The following PRDM2 variants were observed in gnomAD, a reference collection of about 807,000 sequenced individuals.
The protein encoded by PRDM2 is PR/SET domain 2, also known as PR domain zinc finger protein 2.
Under a neutral mutation model 130.0 loss-of-function variants are expected in PRDM2, and 30 were observed. The observed-to-expected ratio is 0.23, with a 90% confidence interval of 0.17 to 0.31. PRDM2 has a LOEUF of 0.31. Among genes scored for constraint, PRDM2 ranks in the 10% least tolerant of loss-of-function variants. The pLI is 1.00. For missense variants in PRDM2, 2,011 were observed against 2,108.4 expected (o/e 0.95, Z 0.90); for synonymous variants, 871 against 782.4 (o/e 1.11, Z -1.89).
At chr1:13,766,376 A>T (rs1045465124) in intron 6 of PRDM2, among the ~76,000 whole-genome samples, 1 of 152,238 alleles carries the variant, frequency 6.6e-6, no homozygotes, top group Non-Finnish European at 1.5e-5. Flanking sequence ...TGAAAGAAAT[A>T]CCAAGTTGTC....
At chr1:13,760,683 A>G (rs147895723) in intron 6 of PRDM2, among the ~76,000 whole-genome samples, 3 of 152,322 alleles carry the variant, frequency 2.0e-5, no homozygotes, top group East Asian at 1.9e-4. Flanking sequence ...TTTTCTGTCT[A>G]TAAAATGGGA....
Position 13,779,223 on chromosome 1 carries a change from T to C in PRDM2, c.1428T>C (p.Asn476=). The part of the protein sequence containing the change: ...DTINSSVVEE[N]GEVKELHPCK... ...TAAATTCTTCTGTCGTAGAAGAGAA[T>C]GGGGAAGTTAAAGAACTTCATCCGT... Residue 476 remains asparagine (N), a synonymous_variant, in exon 8 of 10, where the codon AAT becomes AAC. Transcript: ENST00000311066. The surrounding 1 kb of genome is among the most constrained non-coding windows in gnomAD (Gnocchi z 4.9). 2 of 1,614,198 alleles carry C rather than the reference T, an allele frequency of 1.2e-6. No homozygotes were observed. Among genetic ancestry groups the C allele is most frequent in the Non-Finnish European group, 1.7e-6 (2 of 1,180,038 alleles).
intron 6 of PRDM2, among the ~76,000 whole-genome samples, chr1:13,765,773 G>A (rs1449361086): frequency 6.6e-6 from 1 of 152,068 alleles, no homozygotes; most frequent in Non-Finnish European, 1.5e-5. Context: ...CCTGCACTTG[G>A]CCATTCTTAA....
At position 13,781,430 on chromosome 1, in the gene PRDM2, A is replaced by T. The variant is rs1644610364; in HGVS notation, c.3635A>T (p.Asp1212Val). The change falls in exon 8 of 10, where the codon GAT becomes GTT. Residue 1212 changes from aspartate (D) to valine (V), a missense_variant. Physicochemically the swap from Asp to Val is radical, Grantham distance 152. Coordinates refer to ENST00000311066, the MANE Select transcript of PRDM2 (RefSeq NM_001393986.1). This position sits in a 1 kb window ranked among gnomAD's most constrained non-coding sequence, Gnocchi z 6.1. ...TGCAATTTGCAGCAGCACCAGCGAG[A>T]TCTCCACCCAGATAAGGTGTGCACA... The part of the protein sequence containing the change: ...FLCNLQQHQR[D>V]LHPDKVCTHH... 2 of 1,614,100 alleles carry T rather than the reference A, an allele frequency of 1.2e-6. No homozygotes were observed. Among genetic ancestry groups the T allele is most frequent in the African/African-American group, 1.3e-5 (1 of 75,026 alleles).
In PRDM2 at chr1:13,778,974, G is replaced by C; in HGVS notation, c.1179G>C (p.Lys393Asn). Residue 393 changes from lysine (K) to asparagine (N), a missense_variant, in exon 8 of 10, where the codon AAG (lysine) becomes AAC (asparagine). Lys to Asn is a moderately conservative substitution (Grantham distance 94). Coordinates refer to ENST00000311066, the MANE Select transcript of PRDM2 (RefSeq NM_001393986.1). ...CCGTCAATCATGCTTTCAAATGCAA[G>C]TACTGTGGGAAAGCCTTTGGCACAC... ...ISTVNHAFKC[K>N]YCGKAFGTQI... is the part of the protein sequence containing the mutation. 6.2e-7 allele frequency: 1 copy of C among 1,614,234 alleles called. No individual in the cohort carries two copies. Among genetic ancestry groups the C allele is most frequent in the Non-Finnish European group, 8.5e-7 (1 of 1,180,046 alleles).
intron 2 of PRDM2, among the ~76,000 whole-genome samples, chr1:13,730,195 C>T (rs1177501984): frequency 1.3e-5 from 2 of 152,124 alleles, no homozygotes; most frequent in African/African-American, 4.8e-5. Context: ...TTACTAGACC[C>T]TTGGTGTTCC....
rs1557655306 is a variant in PRDM2, at chr1:13,782,575, G to A, written c.4780G>A (p.Ala1594Thr). The stretch of plus-strand genomic sequence containing the variant: ...TCATGTTGAGGGGAAAAAACCTAAA[G>A]CTGTGGCCAAGAATCATTCTGCTCA... Reference protein sequence around the residue: ...ITHVEGKKPKAVAKNHSAQLS... With the variant: ...ITHVEGKKPKTVAKNHSAQLS... Residue 1594 changes from alanine (A) to threonine (T), a missense_variant, in exon 8 of 10, where the codon GCT becomes ACT. This residue lies in a region of PRDM2 where 410 missense variants were observed against 395.9 expected (regional missense o/e 1.04). Coordinates refer to ENST00000311066, the MANE Select transcript of PRDM2 (RefSeq NM_001393986.1). 6.2e-7 allele frequency: 1 copy of A among 1,614,206 alleles called. No homozygotes were observed. Among genetic ancestry groups the A allele is most frequent in the South Asian group, 1.1e-5 (1 of 91,088 alleles).
At chr1:13,820,125 C>A (rs910896646) in intron 9 of PRDM2, among the ~76,000 whole-genome samples, 4 of 152,168 alleles carry the variant, frequency 2.6e-5, no homozygotes, top group African/African-American at 9.7e-5. Flanking sequence ...TCTTCTGATT[C>A]CCGGGACGGA....
At chr1:13,735,160 G>T (rs1488248853) in intron 4 of PRDM2, among the ~76,000 whole-genome samples, 7 of 152,214 alleles carry the variant, frequency 4.6e-5, no homozygotes, top group Admixed American at 2.0e-4. Context: ...GTGTTAAATT[G>T]CTCTCCTTGA....
chr1:13,739,932 T>A (rs926491295), intron 4 of PRDM2, among the ~76,000 whole-genome samples: 28 of 152,268 alleles, frequency 1.8e-4, no homozygotes, highest in African/African-American at 6.8e-4. Context: ...GCTTTCAAGT[T>A]ATTTTTTATT....
At chr1:13,808,827 C>T (rs1425455550) in intron 8 of PRDM2, among the ~76,000 whole-genome samples, 2 of 152,188 alleles carry the variant, frequency 1.3e-5, no homozygotes, top group South Asian at 2.1e-4. Flanking sequence ...ATCAGACAGT[C>T]GCAGATGCAT....
Position 13,780,989 on chromosome 1 carries a change from C to T in PRDM2, c.3194C>T (p.Ser1065Phe). ...SSSSSSSSSF[S>F]SSSSSSSPSP... ...TCATCTTCCTCCTCCTCTTCGTTTT[C>T]TTCTTCATCTTCCTCCTCTTCTCCT... is the stretch of plus-strand genomic sequence containing the variant. The change falls in exon 8 of 10, where the codon TCT (serine) becomes TTT (phenylalanine). Residue 1065 changes from serine (S) to phenylalanine (F), a missense_variant. Transcript: ENST00000311066. 2 of 1,600,500 alleles carry T rather than the reference C, an allele frequency of 1.2e-6. No homozygotes were observed. Among genetic ancestry groups the T allele is most frequent in the Non-Finnish European group, 1.7e-6 (2 of 1,167,840 alleles).
At chr1:13,790,488 C>T (rs1307153854) in intron 8 of PRDM2, among the ~76,000 whole-genome samples, 4 of 151,998 alleles carry the variant, frequency 2.6e-5, no homozygotes, top group African/African-American at 7.3e-5. Flanking sequence ...TTCTCTCTGG[C>T]TTATGTTGAT....
At chr1:13,752,216 G>A (rs1643864715) in intron 6 of PRDM2, among the ~76,000 whole-genome samples, 1 of 152,206 alleles carries the variant, frequency 6.6e-6, no homozygotes, top group Non-Finnish European at 1.5e-5. Flanking sequence ...GGAAAAGAAT[G>A]CAGTGCTATG....
chr1:13,748,532 C>CT (rs1281160701), intron 5 of PRDM2, among the ~76,000 whole-genome samples: 1 of 152,092 alleles, frequency 6.6e-6, no homozygotes, highest in Non-Finnish European at 1.5e-5. Context: ...ACCCTTGTAA[C>CT]TTTTTTAACA....
intron 6 of PRDM2, among the ~76,000 whole-genome samples, chr1:13,758,837 C>T (rs963980141): frequency 2.1e-4 from 32 of 152,044 alleles, no homozygotes; most frequent in African/African-American, 7.5e-4. Flanking sequence ...AAGTACATAC[C>T]ATTTTTTATT....
chr1:13,769,159 C>T lies in PRDM2; in HGVS notation c.512-3919C>T, dbSNP rs41269799. 8.3e-3 allele frequency: 8,225 copies of T among 985,508 alleles called. 52 individuals are homozygous for T. Among genetic ancestry groups the T allele is most frequent in the Non-Finnish European group, 9.1e-3 (7,527 of 829,628 alleles). 61.0% of individuals were successfully genotyped at this position (985,508 alleles called of 1,614,324 possible). A position where few individuals can be genotyped will look rare whatever the true frequency, so the allele number is the denominator to read the frequency against. ...AGCTGGCAGTAGCGCCCTGTAGGAC[C>T]CCCAGGACCCGATGGTAAGTGCACT... On this transcript the variant is annotated intron_variant, in intron 6 of 9. Transcript: ENST00000311066.
intron 1 of PRDM2, among the ~76,000 whole-genome samples, chr1:13,706,301 C>T (rs2100383051): frequency 6.6e-6 from 1 of 152,282 alleles, no homozygotes; most frequent in Non-Finnish European, 1.5e-5. Flanking sequence ...CTCTCCTCAC[C>T]TACTTCCTTA....
Position 13,774,274 on chromosome 1 carries a change from A to G in PRDM2, c.622+1086A>G, listed in dbSNP as rs79917274. Among the ~76,000 whole-genome samples the G allele has an allele frequency of 1.8e-4, 27 of 152,328 alleles. No individual in the cohort carries two copies. In the East Asian group the frequency reaches 3.9e-3, roughly 22 times the overall value. On this transcript the variant is annotated intron_variant, in intron 7 of 9. Coordinates refer to ENST00000311066, the MANE Select transcript of PRDM2 (RefSeq NM_001393986.1). ...GGTGTGTCTTAATTTGCCATGGGCAAATTTTTGCAGATTGCAGCTTACTTG... is the reference window on the plus strand; with the variant it reads ...GGTGTGTCTTAATTTGCCATGGGCAGATTTTTGCAGATTGCAGCTTACTTG...
Sources: allele counts gnomAD v4.1 joint callset (sites outside exome capture counted in the v4.1 genomes callset), GRCh38; gene constraint gnomAD v4.1.1; regional missense constraint gnomAD v4.1.1; non-coding constraint Gnocchi (gnomAD v3.1); transcripts MANE v1.5; gene names NCBI Gene and HGNC (gene_info 2026-07-23, HGNC 2026-07-21).